Variants in TDRD10 observed in about 807,000 individuals in gnomAD.
TDRD10 encodes the protein tudor domain-containing protein 10.
In TDRD10, 40 loss-of-function variants were observed where a neutral mutation model predicts 48.0. The ratio of observed to expected loss-of-function variants is 0.83; its 90% CI spans 0.65 to 1.09. TDRD10 has a LOEUF of 1.09. Among genes scored for constraint, TDRD10 ranks in the 50% least tolerant of loss-of-function variants. The probability of loss-of-function intolerance (pLI) is 0.00; values close to 1 mark genes in which losing one functional copy is unlikely to be tolerated. For synonymous variants in TDRD10, 162 were observed against 170.4 expected (o/e 0.95, Z 0.38); for missense variants, 378 against 434.7 (o/e 0.87, Z 1.16).
intron 6 of TDRD10, among the ~76,000 whole-genome samples, chr1:154,525,121 C>T (rs1305547305): frequency 6.6e-6 from 1 of 152,226 alleles, no homozygotes; most frequent in Non-Finnish European, 1.5e-5. Context: ...AAACAGCCCT[C>T]TGCCATTCAC....
At chr1:154,506,816 G>A (rs1388020539) in intron 1 of TDRD10, 61 bp from the exon 2 acceptor site, 1 of 1,443,026 alleles carries the variant, frequency 6.9e-7, no homozygotes, top group Non-Finnish European at 9.8e-7. Flanking sequence ...TACCTATTCG[G>A]TGGTTATATG....
chr1:154,538,287 G>A (rs1362821746), intron 6 of TDRD10, among the ~76,000 whole-genome samples: 1 of 152,176 alleles, frequency 6.6e-6, no homozygotes, highest in Admixed American at 6.5e-5. Flanking sequence ...CGTGGCTCAC[G>A]CCTGTAATCC....
chr1:154,506,259 C>T (rs1693145310), intron 1 of TDRD10, among the ~76,000 whole-genome samples: 1 of 152,166 alleles, frequency 6.6e-6, no homozygotes, highest in African/African-American at 2.4e-5. Flanking sequence ...TTTCCAGCTT[C>T]TAGAGGCTGC....
intron 4 of TDRD10, among the ~76,000 whole-genome samples, chr1:154,519,250 A>G (rs1693928012): frequency 6.6e-6 from 1 of 152,256 alleles, no homozygotes; most frequent in Admixed American, 6.5e-5. Flanking sequence ...AATATTTAAG[A>G]GTAAAGCAAA....
chr1:154,528,410 G>C lies in TDRD10; in HGVS notation c.369+6931G>C, dbSNP rs907785403. 4.6e-5 allele frequency among the ~76,000 whole-genome samples: 7 copies of C among 151,568 alleles called. No individual in the cohort carries two copies. The East Asian group carries it at 1.2e-3, about 26-fold the overall frequency. The stretch of plus-strand genomic sequence containing the variant: ...AGCAAATTTTTTTGTGTTTTTACTA[G>C]AGACGGGGTCTCGCCATGTTGATCA... On this transcript the variant is annotated intron_variant, in intron 6 of 12. Coordinates refer to ENST00000368482, the MANE Select transcript of TDRD10 (RefSeq NM_182499.4).
At chr1:154,510,775 G>A (rs529117918) in intron 4 of TDRD10, among the ~76,000 whole-genome samples, 6 of 151,916 alleles carry the variant, frequency 3.9e-5, no homozygotes, top group East Asian at 2.0e-4. Context: ...GGCCAGGCGC[G>A]GTGGCTCACG....
At chr1:154,506,490 C>T (rs1185239514) in intron 1 of TDRD10, among the ~76,000 whole-genome samples, 1 of 152,118 alleles carries the variant, frequency 6.6e-6, no homozygotes, top group Non-Finnish European at 1.5e-5. Context: ...ATTCTCCTGC[C>T]TCAGCCTCCT....
chr1:154,537,162 C>T (rs952367694), intron 6 of TDRD10, among the ~76,000 whole-genome samples: 2 of 152,168 alleles, frequency 1.3e-5, no homozygotes, highest in African/African-American at 4.8e-5. Flanking sequence ...CAGCAGTCAC[C>T]ACCTCAGGAG....
At chr1:154,542,924 T>C in intron 8 of TDRD10, 103 bp downstream of exon 8, 1 of 900,992 alleles carries the variant, frequency 1.1e-6, no homozygotes, top group Non-Finnish European at 1.7e-6. Context: ...GGGGATAGTT[T>C]TCGGGAACTC....
chr1:154,507,754 C>T (rs1422251308), intron 3 of TDRD10, among the ~76,000 whole-genome samples: 1 of 152,198 alleles, frequency 6.6e-6, no homozygotes, highest in Non-Finnish European at 1.5e-5. Context: ...TTCTAGCCTC[C>T]TCTCTCACCA....
chr1:154,534,044 G>A (rs1466517053), intron 6 of TDRD10, among the ~76,000 whole-genome samples: 2 of 151,374 alleles, frequency 1.3e-5, no homozygotes, highest in Admixed American at 6.6e-5. Context: ...TTTTAAATGG[G>A]AAAAAAAATG....
chr1:154,541,391 G>A (rs760508580), intron 6 of TDRD10, among the ~76,000 whole-genome samples: 35 of 152,286 alleles, frequency 2.3e-4, no homozygotes, highest in Non-Finnish European at 3.2e-4. Context: ...GGTTGTGGGC[G>A]TTTTGAAGAA....
At position 154,547,765 on chromosome 1, in the gene TDRD10, C is replaced by T. The variant is rs1298547507; in HGVS notation, c.*55C>T. 6.2e-7 allele frequency: 1 copy of T among 1,603,184 alleles called. No individual in the cohort carries two copies. The highest frequency in any genetic ancestry group is 8.5e-7 in the Non-Finnish European group (1 of 1,171,738). ...TGTTTGCCACGGATCCAGAGGCCAC[C>T]TGCCCTGTCTTCTCGTACCCCTTTC... On this transcript the variant is annotated 3_prime_UTR_variant, in exon 13 of 13. Coordinates refer to ENST00000368482, the MANE Select transcript of TDRD10 (RefSeq NM_182499.4).
intron 1 of TDRD10, among the ~76,000 whole-genome samples, chr1:154,504,968 C>G (rs1006972008): frequency 6.6e-6 from 1 of 152,108 alleles, no homozygotes; most frequent in East Asian, 1.9e-4. Flanking sequence ...GCCTGGGCGA[C>G]AGAGTGAGAC....
In TDRD10 at chr1:154,548,115, C is replaced by T. The variant is rs1329966771; in HGVS notation, c.*405C>T. 4.5e-6 allele frequency: 1 copy of T among 221,386 alleles called. No homozygotes were observed. Among genetic ancestry groups the T allele is most frequent in the Non-Finnish European group, 9.0e-6 (1 of 111,234 alleles). The allele number at this position is 221,386 out of a possible 1,614,324, so 13.7% of individuals were successfully genotyped here. A position where few individuals can be genotyped will look rare whatever the true frequency, so the allele number is the denominator to read the frequency against. ...GTAGAATAGGTAGAGAATATTTAAC[C>T]AATGAGCAAATAAATGTTGGCATGT... On this transcript the variant is annotated 3_prime_UTR_variant, in exon 13 of 13. Coordinates refer to ENST00000368482, the MANE Select transcript of TDRD10 (RefSeq NM_182499.4).
intron 4 of TDRD10, among the ~76,000 whole-genome samples, chr1:154,518,789 T>A (rs1469748777): frequency 6.6e-6 from 1 of 152,162 alleles, no homozygotes; most frequent in Non-Finnish European, 1.5e-5. Flanking sequence ...CTGTAAACAA[T>A]GAGTGAATGG....
intron 4 of TDRD10, among the ~76,000 whole-genome samples, chr1:154,510,037 C>G (rs1165637233): frequency 1.3e-5 from 2 of 152,128 alleles, no homozygotes; most frequent in African/African-American, 4.8e-5. Flanking sequence ...ACCCATAGTG[C>G]CTTCTTTCGA....
chr1:154,525,703 A>G (rs1025414578), intron 6 of TDRD10, among the ~76,000 whole-genome samples: 3 of 152,180 alleles, frequency 2.0e-5, no homozygotes. Context: ...AGACCAGCCT[A>G]GCCAACATGG....
chr1:154,513,470 C>T (rs1256463733), intron 4 of TDRD10, among the ~76,000 whole-genome samples: 1 of 152,126 alleles, frequency 6.6e-6, no homozygotes, highest in East Asian at 1.9e-4. Context: ...GTGCAAACCC[C>T]AGTAAGATAC....
Sources: gnomAD v4.1 joint callset for allele counts (sites outside exome capture counted in the v4.1 genomes callset) on GRCh38, gnomAD v4.1.1 for gene constraint, MANE v1.5 for transcripts, NCBI Gene and HGNC (gene_info 2026-07-23, HGNC 2026-07-21) for gene names.